Variants in KIF26B observed in about 807,000 individuals in gnomAD.
The protein encoded by KIF26B is kinesin-like protein KIF26B.
Under a neutral mutation model 151.2 loss-of-function variants are expected in KIF26B, and 63 were observed. The ratio of observed to expected loss-of-function variants is 0.42; its 90% confidence interval spans 0.34 to 0.51. The LOEUF is 0.51. Ranked by LOEUF, KIF26B falls within the 20% of genes least tolerant of loss-of-function variation. The probability of loss-of-function intolerance (pLI) is 0.07; values close to 1 mark genes in which losing one functional copy is unlikely to be tolerated. For missense variants in KIF26B, 2,813 were observed against 2,913.6 expected (o/e 0.97, Z 0.79); for synonymous variants, 1,357 against 1,262.1 (o/e 1.08, Z -1.59).
intron 4 of KIF26B, among the ~76,000 whole-genome samples, chr1:245,487,099 TG>T (rs11385851): frequency 7.3e-5 from 11 of 151,516 alleles, no homozygotes; most frequent in South Asian, 4.2e-4. Flanking sequence ...GAATTGAGAA[TG>T]GGGGGGGTGG....
chr1:245,617,027 A>G lies in KIF26B; in HGVS notation c.2098+5051A>G, dbSNP rs577408558. On this transcript the variant is annotated intron_variant, in intron 9 of 14. Transcript: ENST00000407071. ...CACACAAATGTATGTGCACATGGGCACACATCTGTGCTACACTCATCTGTC... is the reference window on the plus strand; with the variant it reads ...CACACAAATGTATGTGCACATGGGCGCACATCTGTGCTACACTCATCTGTC... 2.0e-4 allele frequency among the ~76,000 whole-genome samples: 31 copies of G among 152,300 alleles called. No individual in the cohort carries two copies. The South Asian group carries it at 6.4e-3, about 32-fold the overall frequency.
intron 2 of KIF26B, among the ~76,000 whole-genome samples, chr1:245,254,977 A>G (rs1670506796): frequency 6.6e-6 from 1 of 152,210 alleles, no homozygotes; most frequent in Non-Finnish European, 1.5e-5. Flanking sequence ...CATGTTGGAA[A>G]CTTCATCCTC....
intron 2 of KIF26B, 134 bp downstream of exon 2, chr1:245,156,817 T>G (rs1411945128): frequency 2.0e-6 from 1 of 493,684 alleles, no homozygotes; most frequent in Non-Finnish European, 3.2e-6. Context: ...CTGGGGATGC[T>G]CCACACCTCA....
chr1:245,279,417 C>T (rs996013178), intron 2 of KIF26B, among the ~76,000 whole-genome samples: 16 of 151,306 alleles, frequency 1.1e-4, no homozygotes, highest in Admixed American at 9.2e-4. Context: ...AAGCAATCCT[C>T]CAGCTTCAGT....
At chr1:245,445,589 A>G (rs1659232390) in intron 4 of KIF26B, among the ~76,000 whole-genome samples, 1 of 152,336 alleles carries the variant, frequency 6.6e-6, no homozygotes, top group Middle Eastern at 3.4e-3. Context: ...CACATAGGCT[A>G]TTCTATTTTT....
chr1:245,159,349 G>C (rs1316829511), intron 2 of KIF26B, among the ~76,000 whole-genome samples: 21 of 152,142 alleles, frequency 1.4e-4, no homozygotes, highest in Admixed American at 1.4e-3. Flanking sequence ...AATATTTTAG[G>C]ATGGATTTGG....
At chr1:245,680,141 G>A (rs922070699) in intron 10 of KIF26B, among the ~76,000 whole-genome samples, 3 of 152,066 alleles carry the variant, frequency 2.0e-5, no homozygotes, top group South Asian at 2.1e-4. Context: ...CAAAGATTCC[G>A]AGTTCCTCCT....
rs562845190 is a variant in KIF26B, at chr1:245,224,857, G to T, written c.465+68174G>T. ...AAAGTTTACTGATAACGGTTTCAGG[G>T]CCCATATTGCAACTAACCTTTAAGA... On this transcript the variant is annotated intron_variant, in intron 2 of 14. Transcript: ENST00000407071. Among the ~76,000 whole-genome samples, 7 of 152,288 alleles carry T rather than the reference G, an allele frequency of 4.6e-5. No individual in the cohort carries two copies. The East Asian group carries it at 1.2e-3, about 25-fold the overall frequency.
At chr1:245,263,307 C>T (rs1305692417) in intron 2 of KIF26B, among the ~76,000 whole-genome samples, 3 of 152,182 alleles carry the variant, frequency 2.0e-5, no homozygotes, top group Non-Finnish European at 4.4e-5. Flanking sequence ...GCTTGTTCCA[C>T]TCGGAAGGGA....
intron 2 of KIF26B, among the ~76,000 whole-genome samples, chr1:245,364,183 G>A (rs1296228532): frequency 6.6e-6 from 1 of 152,164 alleles, no homozygotes; most frequent in African/African-American, 2.4e-5. Flanking sequence ...GTCTCCGCTT[G>A]TTAAATGTCA....
rs1361332311 is a variant in KIF26B at position 245,679,363 on chromosome 1, C to T, written c.2259-4870C>T. 1.9e-4 allele frequency among the ~76,000 whole-genome samples: 27 copies of T among 142,408 alleles called. No homozygotes were observed. In the Admixed American group the frequency reaches 1.9e-3, roughly 10 times the overall value. 93.4% of individuals were successfully genotyped at this position (142,408 alleles called of 152,430 possible). A position where few individuals can be genotyped will look rare whatever the true frequency, so the allele number is the denominator to read the frequency against. On this transcript the variant is annotated intron_variant, in intron 10 of 14. Transcript: ENST00000407071. Reference sequence around the variant, plus strand: ...ATTAAAGTGTGTTCATTATCCTGTTCTTTTTGTCCTTTTTCTTGTTTAATA... The same window carrying T: ...ATTAAAGTGTGTTCATTATCCTGTTTTTTTTGTCCTTTTTCTTGTTTAATA...
At chr1:245,276,178 T>C (rs1010997785) in intron 2 of KIF26B, among the ~76,000 whole-genome samples, 3 of 152,006 alleles carry the variant, frequency 2.0e-5, no homozygotes, top group Admixed American at 6.6e-5. Flanking sequence ...CTCGACTCTA[T>C]TAAAAAATTA....
chr1:245,489,672 C>T (rs777650058), intron 4 of KIF26B, among the ~76,000 whole-genome samples: 10 of 152,018 alleles, frequency 6.6e-5, no homozygotes, highest in South Asian at 2.1e-4. Flanking sequence ...ATGTAAAGTC[C>T]AGGGTTATGA....
intron 5 of KIF26B, among the ~76,000 whole-genome samples, chr1:245,577,319 CCT>C (rs1159154906): frequency 3.9e-5 from 6 of 152,150 alleles, no homozygotes; most frequent in African/African-American, 7.2e-5. Context: ...AAAAATGTCC[CCT>C]GTCACACAGC....
intron 2 of KIF26B, among the ~76,000 whole-genome samples, chr1:245,190,629 G>GTTTTTTTTTTTTTTTTTTTTTTTT (rs768099890): frequency 2.5e-5 from 2 of 80,078 alleles, no homozygotes; most frequent in Non-Finnish European, 5.4e-5. Flanking sequence ...TTCCCTGAAT[G>GTTTTTTTTTTTTTTTTTTTTTTTT]TTTTGTTTTG....
At chr1:245,521,207 AG>A (rs1661095962) in intron 4 of KIF26B, among the ~76,000 whole-genome samples, 1 of 151,838 alleles carries the variant, frequency 6.6e-6, no homozygotes, top group African/African-American at 2.4e-5. Flanking sequence ...TGTGGTGGCG[AG>A]CACCTGTAGT....
intron 2 of KIF26B, among the ~76,000 whole-genome samples, chr1:245,200,164 C>T (rs1452084902): frequency 1.3e-5 from 2 of 152,144 alleles, no homozygotes; most frequent in Non-Finnish European, 2.9e-5. Flanking sequence ...AAGATAGGGG[C>T]GGTGATATTC....
At chr1:245,270,902 A>G (rs1361707473) in intron 2 of KIF26B, among the ~76,000 whole-genome samples, 1 of 152,224 alleles carries the variant, frequency 6.6e-6, no homozygotes, top group Non-Finnish European at 1.5e-5. Context: ...TCTACATTTA[A>G]GTCCTTTAAT....
intron 4 of KIF26B, among the ~76,000 whole-genome samples, chr1:245,474,850 T>G (rs1488903332): frequency 6.6e-6 from 1 of 151,872 alleles, no homozygotes; most frequent in African/African-American, 2.4e-5. Context: ...CAACTCCACT[T>G]GTTTAGTTCC....
Sources: allele counts gnomAD v4.1 joint callset (sites outside exome capture counted in the v4.1 genomes callset), GRCh38; gene constraint gnomAD v4.1.1; transcripts MANE v1.5; gene names NCBI Gene and HGNC (gene_info 2026-07-23, HGNC 2026-07-21).